SFXN5: variants seen among roughly 807,000 people sequenced by gnomAD.
SFXN5 encodes the protein sideroflexin 5, also known as sideroflexin-5.
A neutral mutation model predicts 50.2 loss-of-function variants in SFXN5; 43 were observed. The ratio of observed to expected loss-of-function variants is 0.86; its 90% CI spans 0.67 to 1.11. The LOEUF (loss-of-function observed/expected upper bound fraction) is 1.11, where lower values mean the gene tolerates loss of function less well. Ranked by LOEUF, SFXN5 falls within the 50% of genes least tolerant of loss-of-function variation. The pLI is 0.00. For synonymous variants in SFXN5, 203 were observed against 185.8 expected, an observed-to-expected ratio of 1.09 and a Z score of -0.75; for missense variants, 463 against 454.1, an observed-to-expected ratio of 1.02 and a Z score of -0.18.
At chr2:73,028,402 ACTCCTGT>A (rs1225364337) in intron 3 of SFXN5, among the ~76,000 whole-genome samples, 1 of 151,118 alleles carries the variant, frequency 6.6e-6, no homozygotes, top group African/African-American at 2.4e-5. Context: ...GCAACCCTCC[ACTCCTGT>A]CAGAGGCCTG....
At position 73,064,678 on chromosome 2, in the gene SFXN5, G is replaced by C. The variant is rs904187136; in HGVS notation, c.103-6082C>G. On this transcript the variant is annotated intron_variant, in intron 1 of 13. Coordinates refer to ENST00000272433, the MANE Select transcript of SFXN5 (RefSeq NM_144579.3). ...TGCCCAGCAAGCTCTCCATACCCCA[G>C]AGGGAGCCCTGTGCAACCAGCCTGC... Among the ~76,000 whole-genome samples, 4 of 152,208 alleles carry C rather than the reference G, an allele frequency of 2.6e-5. No homozygotes were observed. In the East Asian group the frequency reaches 7.7e-4, roughly 29 times the overall value.
Position 72,960,064 on chromosome 2 carries a change from A to C in SFXN5, c.945+1067T>G, listed in dbSNP as rs1573957490. Among the ~76,000 whole-genome samples, 1 of 147,140 alleles carries C rather than the reference A, an allele frequency of 6.8e-6. No homozygotes were observed. The highest frequency in any genetic ancestry group is 2.5e-5 in the African/African-American group (1 of 39,362). On this transcript the variant is annotated intron_variant, in intron 13 of 13. Transcript: ENST00000272433. This position sits in a 1 kb window ranked among gnomAD's most constrained non-coding sequence, Gnocchi z 6.1. ...CACATGGCCCGGATCTGCCCTCACC[A>C]CCCTGGCTGCTTGTCTTTGGACCCC...
At chr2:73,045,847 T>C (rs72920444) in intron 2 of SFXN5, among the ~76,000 whole-genome samples, 9,908 of 152,120 alleles carry the variant, frequency 0.065, 898 homozygotes, top group African/African-American at 0.21. Flanking sequence ...GTTCTACCTG[T>C]CTGTGCTGCG....
chr2:73,063,244 G>T (rs1163213305), intron 1 of SFXN5, among the ~76,000 whole-genome samples: 1 of 152,090 alleles, frequency 6.6e-6, no homozygotes, highest in African/African-American at 2.4e-5. Context: ...ACTCTGAATT[G>T]GAAATGTCAG....
chr2:73,000,394 T>G, intron 8 of SFXN5, 37 bp downstream of exon 8: 1 of 1,548,824 alleles, frequency 6.5e-7, no homozygotes, highest in Non-Finnish European at 8.7e-7. Flanking sequence ...CTCCCTAGCC[T>G]GAACCCCACC....
chr2:72,956,421 G>A (rs1673092635), intron 13 of SFXN5, among the ~76,000 whole-genome samples: 1 of 152,184 alleles, frequency 6.6e-6, no homozygotes. Context: ...CCTGTGGAGG[G>A]GAGGAGGGCT....
intron 10 of SFXN5, among the ~76,000 whole-genome samples, chr2:72,983,324 C>T (rs1045856930): frequency 6.6e-6 from 1 of 152,184 alleles, no homozygotes; most frequent in Non-Finnish European, 1.5e-5. Context: ...TGGTTAACAC[C>T]GAGATCTTTT....
At chr2:73,001,440 G>A (rs1673898536) in intron 7 of SFXN5, 85 bp downstream of exon 7, 4 of 1,421,772 alleles carry the variant, frequency 2.8e-6, no homozygotes, top group Non-Finnish European at 4.0e-6. Flanking sequence ...TCTGGACGGG[G>A]CAGGAGACAC....
At chr2:72,968,226 C>A (rs968818446) in intron 12 of SFXN5, among the ~76,000 whole-genome samples, 3 of 151,886 alleles carry the variant, frequency 2.0e-5, no homozygotes, top group African/African-American at 7.3e-5. Flanking sequence ...CTCGTGGCAC[C>A]TAGCCCAGGG....
intron 12 of SFXN5, among the ~76,000 whole-genome samples, chr2:72,967,681 T>A (rs6728989): frequency 0.041 from 6,258 of 152,166 alleles, 400 homozygotes; most frequent in African/African-American, 0.14. Context: ...GGTGTCCCCA[T>A]AGGGTAGGGT....
intron 2 of SFXN5, among the ~76,000 whole-genome samples, chr2:73,042,758 C>T (rs1679819323): frequency 6.6e-6 from 1 of 152,044 alleles, no homozygotes; most frequent in Non-Finnish European, 1.5e-5. Flanking sequence ...CACCACCACA[C>T]TCCAGCATGG....
At chr2:72,956,820 A>G (rs1165275569) in intron 13 of SFXN5, among the ~76,000 whole-genome samples, 2 of 151,676 alleles carry the variant, frequency 1.3e-5, no homozygotes, top group African/African-American at 4.8e-5. Context: ...AAGCCCCCCA[A>G]CCTCCATCTC....
At chr2:72,982,395 G>A (rs1671413313) in intron 10 of SFXN5, among the ~76,000 whole-genome samples, 1 of 152,236 alleles carries the variant, frequency 6.6e-6, no homozygotes, top group South Asian at 2.1e-4. Flanking sequence ...TAAATGTCCA[G>A]GTAGCTACAG....
rs911402361 is a variant in SFXN5, at chr2:72,953,138, G to A, written c.945+7993C>T. Among the ~76,000 whole-genome samples, 5 of 152,264 alleles carry A rather than the reference G, an allele frequency of 3.3e-5. No individual in the cohort carries two copies. In the South Asian group the frequency reaches 6.2e-4, roughly 19 times the overall value. ...ACGCGCAGGTTTGGGGTGGGGGTGT[G>A]GGGAACAGGCAAAATGACAGGTGGC... On this transcript the variant is annotated intron_variant, in intron 13 of 13. Coordinates refer to ENST00000272433, the MANE Select transcript of SFXN5 (RefSeq NM_144579.3). The surrounding 1 kb of genome is among the most constrained non-coding windows in gnomAD (Gnocchi z 4.1).
At chr2:72,957,021 C>A in intron 13 of SFXN5, 1 of 456,768 alleles carries the variant, frequency 2.2e-6, no homozygotes, top group Non-Finnish European at 4.4e-6. Flanking sequence ...CGCCCAAGTC[C>A]TCAGCTTCCA....
intron 13 of SFXN5, among the ~76,000 whole-genome samples, chr2:72,947,729 T>C (rs1672113951): frequency 1.3e-5 from 2 of 152,004 alleles, no homozygotes; most frequent in Admixed American, 1.3e-4. Context: ...GTTACCCAAG[T>C]CTGGTCACCC....
intron 10 of SFXN5, among the ~76,000 whole-genome samples, chr2:72,975,101 A>G (rs1389621481): frequency 6.6e-6 from 1 of 152,234 alleles, no homozygotes. Flanking sequence ...GAGAAAGAGA[A>G]GGAGAGAGAA....
intron 6 of SFXN5, among the ~76,000 whole-genome samples, chr2:73,007,615 C>T (rs1283893641): frequency 2.0e-5 from 3 of 152,110 alleles, no homozygotes; most frequent in Admixed American, 6.5e-5. Flanking sequence ...AATGAGGCCC[C>T]TCCACGCTGC....
chr2:73,015,113 G>A (rs1574122480), intron 6 of SFXN5, among the ~76,000 whole-genome samples: 1 of 152,284 alleles, frequency 6.6e-6, no homozygotes, highest in African/African-American at 2.4e-5. Flanking sequence ...ACACTATCAA[G>A]TTAAGAAAGT....
Sources: gnomAD v4.1 joint callset for allele counts (sites outside exome capture counted in the v4.1 genomes callset) on GRCh38, gnomAD v4.1.1 for gene constraint, Gnocchi (gnomAD v3.1) non-coding constraint, MANE v1.5 for transcripts, NCBI Gene and HGNC (gene_info 2026-07-23, HGNC 2026-07-21) for gene names.